RYR3: variants seen among roughly 807,000 people sequenced by gnomAD.
RYR3 encodes the protein ryanodine receptor 3.
Under a neutral mutation model 584.3 loss-of-function variants are expected in RYR3, and 207 were observed. The observed-to-expected ratio is 0.35, with a 90% CI of 0.32 to 0.40. The LOEUF is 0.40. Among genes scored for constraint, RYR3 ranks in the 10% least tolerant of loss-of-function variants. The pLI, the probability that RYR3 is intolerant of heterozygous loss-of-function variation, is 1.00. For missense variants in RYR3, 5,616 were observed against 6,089.2 expected (o/e 0.92, Z 2.59); for synonymous variants, 2,416 against 2,248.5 (o/e 1.07, Z -2.11).
intron 38 of RYR3, among the ~76,000 whole-genome samples, chr15:33,679,473 G>A (rs2064430061): frequency 6.6e-6 from 1 of 152,142 alleles, no homozygotes; most frequent in South Asian, 2.1e-4. Flanking sequence ...TAAAATTCTT[G>A]ATGCTCATTA....
chr15:33,650,879 A>T lies in RYR3; in HGVS notation c.4142+1644A>T, dbSNP rs557308602. ...GTATAATTATTATTCCCATTATTGA[A>T]TGTCCATCATTGAGAGAGCCAAAAT... On this transcript the variant is annotated intron_variant, in intron 31 of 103. Transcript: ENST00000634891. 1.1e-4 allele frequency among the ~76,000 whole-genome samples: 17 copies of T among 152,360 alleles called. No individual in the cohort carries two copies. The East Asian group carries it at 3.3e-3, about 29-fold the overall frequency.
At chr15:33,784,900 T>C (rs946941107) in intron 65 of RYR3, among the ~76,000 whole-genome samples, 1 of 152,190 alleles carries the variant, frequency 6.6e-6, no homozygotes, top group African/African-American at 2.4e-5. Flanking sequence ...CCTGGTTGAA[T>C]ATTGAACTCT....
chr15:33,729,882 C>A (rs1190176771), intron 47 of RYR3, among the ~76,000 whole-genome samples: 2 of 152,068 alleles, frequency 1.3e-5, no homozygotes, highest in African/African-American at 4.8e-5. Flanking sequence ...GGGTTGTCAG[C>A]GGCAAATACC....
chr15:33,731,766 A>C, intron 48 of RYR3, 72 bp downstream of exon 48: 2 of 1,062,504 alleles, frequency 1.9e-6, no homozygotes, highest in South Asian at 1.4e-5. Flanking sequence ...TGTAATCTAA[A>C]AACTGGTGGT....
chr15:33,637,363 T>C (rs1025353109), intron 27 of RYR3, among the ~76,000 whole-genome samples: 1 of 152,230 alleles, frequency 6.6e-6, no homozygotes, highest in Non-Finnish European at 1.5e-5. Flanking sequence ...AGATATAAAA[T>C]TCAACGGCAG....
chr15:33,768,115 G>A (rs1044810407), intron 60 of RYR3, among the ~76,000 whole-genome samples: 1 of 152,222 alleles, frequency 6.6e-6, no homozygotes, highest in Non-Finnish European at 1.5e-5. Context: ...ACTAACTGGA[G>A]ATGACAGAGA....
chr15:33,399,397 T>C (rs1448411003), intron 1 of RYR3, among the ~76,000 whole-genome samples: 2 of 152,040 alleles, frequency 1.3e-5, no homozygotes, highest in Non-Finnish European at 2.9e-5. Context: ...TCCCAGAACT[T>C]TGGGAGGCTG....
chr15:33,346,134 T>C (rs7176762), intron 1 of RYR3, among the ~76,000 whole-genome samples: 133,744 of 152,254 alleles, frequency 0.88, 58,965 homozygotes, highest in African/African-American at 0.96. Context: ...AGGATATTGA[T>C]CTTTGTGGTT....
At chr15:33,759,435 T>C (rs936919124) in intron 60 of RYR3, among the ~76,000 whole-genome samples, 1 of 152,002 alleles carries the variant, frequency 6.6e-6, no homozygotes, top group Non-Finnish European at 1.5e-5. Flanking sequence ...GAATAACCAG[T>C]TTAGGGAAGA....
rs1372456929 is a variant in RYR3 at position 33,756,311 on chromosome 15, A to G, written c.8521A>G (p.Ile2841Val). ...AQEFIAHLEAIVSSGKTEKSP... is the reference protein window; with the variant it reads ...AQEFIAHLEAVVSSGKTEKSP... ...TGTTACCTGTGTCTTCGTAGAAGCC[A>G]TTGTCAGCAGTGGGAAAACTGAAAA... Residue 2841 changes from isoleucine (I) to valine (V), a missense_variant, in exon 59 of 104, where the codon ATT becomes GTT. By Grantham distance (29) the Ile-to-Val change is conservative. Transcript: ENST00000634891. 5 of 1,576,488 alleles carry G rather than the reference A, an allele frequency of 3.2e-6. No homozygotes were observed. The highest frequency in any genetic ancestry group is 3.4e-6 in the Non-Finnish European group (4 of 1,159,934).
chr15:33,369,907 A>T (rs1352650968), intron 1 of RYR3, among the ~76,000 whole-genome samples: 1 of 152,174 alleles, frequency 6.6e-6, no homozygotes, highest in Non-Finnish European at 1.5e-5. Flanking sequence ...TAAGGCTTAG[A>T]TCATGGACAG....
intron 1 of RYR3, among the ~76,000 whole-genome samples, chr15:33,428,523 T>A (rs1326374422): frequency 1.3e-5 from 2 of 152,204 alleles, no homozygotes; most frequent in African/African-American, 4.8e-5. Context: ...ATTTCTGGGT[T>A]TTCCTATATC....
chr15:33,421,057 T>C (rs772899380), intron 1 of RYR3, among the ~76,000 whole-genome samples: 5 of 152,166 alleles, frequency 3.3e-5, no homozygotes, highest in Non-Finnish European at 7.4e-5. Flanking sequence ...AAAGGTCAAT[T>C]TGGGGAGCCA....
chr15:33,638,697 G>T (rs2061633975), intron 27 of RYR3, among the ~76,000 whole-genome samples: 1 of 152,154 alleles, frequency 6.6e-6, no homozygotes, highest in Admixed American at 6.5e-5. Flanking sequence ...GTGAGTAGTA[G>T]CAGTATTAAG....
intron 16 of RYR3, among the ~76,000 whole-genome samples, chr15:33,596,775 C>CATA (rs1194034489): frequency 6.6e-6 from 1 of 152,068 alleles, no homozygotes. Context: ...TGGCAAAAAC[C>CATA]ATAATCTCTT....
chr15:33,516,043 A>C (rs1366703111), intron 3 of RYR3, among the ~76,000 whole-genome samples: 1 of 152,178 alleles, frequency 6.6e-6, no homozygotes, highest in African/African-American at 2.4e-5. Context: ...TTACTAAGAT[A>C]AAATTCTAAC....
Position 33,667,252 on chromosome 15 carries a change from C to A in RYR3, c.5620-2102C>A, listed in dbSNP as rs182350448. Among the ~76,000 whole-genome samples, 130 of 152,278 alleles carry A rather than the reference C, an allele frequency of 8.5e-4. 2 individuals are homozygous for A. The East Asian group carries it at 0.024, about 28-fold the overall frequency. On this transcript the variant is annotated intron_variant, in intron 36 of 103. Transcript: ENST00000634891. Reference sequence around the variant, plus strand: ...GTTTGGGTTATCCTGGCTGAGGCAGCAAAATGTTTACCTCTGGTTATTTCT... The same window carrying A: ...GTTTGGGTTATCCTGGCTGAGGCAGAAAAATGTTTACCTCTGGTTATTTCT...
In RYR3 at chr15:33,825,633, G is replaced by A. The variant is rs1377183199; in HGVS notation, c.11103G>A (p.Gln3701=). 6.3e-7 allele frequency: 1 copy of A among 1,587,894 alleles called. No individual in the cohort carries two copies. Among genetic ancestry groups the A allele is most frequent in the Non-Finnish European group, 8.6e-7 (1 of 1,162,834 alleles). Reference sequence around the variant, plus strand: ...TTGATTTGAATGCATTTGAGAGGCAGAATAAAGCTGAAGGCCTGGGGATGG... The same window carrying A: ...TTGATTTGAATGCATTTGAGAGGCAAAATAAAGCTGAAGGCCTGGGGATGG... ...SVLDLNAFER[Q]NKAEGLGMVT... is the part of the protein sequence containing the mutation. Residue 3701 remains glutamine, a synonymous_variant, in exon 82 of 104, where the codon CAG becomes CAA. Coordinates refer to ENST00000634891, the MANE Select transcript of RYR3 (RefSeq NM_001036.6).
intron 1 of RYR3, among the ~76,000 whole-genome samples, chr15:33,349,841 G>A (rs1397943071): frequency 2.0e-5 from 3 of 149,216 alleles, no homozygotes; most frequent in African/African-American, 5.0e-5. Flanking sequence ...GAGAATATGC[G>A]GTGTTTGGTT....
Sources: gnomAD v4.1 joint callset for allele counts (sites outside exome capture counted in the v4.1 genomes callset) on GRCh38, gnomAD v4.1.1 for gene constraint, MANE v1.5 for transcripts, NCBI Gene and HGNC (gene_info 2026-07-23, HGNC 2026-07-21) for gene names.